Variants in MCF2 observed in about 807,000 individuals in gnomAD.
MCF2 encodes MCF.2 cell line derived transforming sequence.
Under a neutral mutation model 82.5 loss-of-function variants are expected in MCF2, and 44 were observed. The ratio of observed to expected loss-of-function variants is 0.53; its 90% confidence interval spans 0.42 to 0.69. MCF2 has a LOEUF of 0.69. Among genes scored for constraint, MCF2 ranks in the 30% least tolerant of loss-of-function variants. MCF2 has a pLI of 0.00. For missense variants in MCF2, 623 were observed against 663.1 expected, an observed-to-expected ratio of 0.94 and a Z score of 0.66; for synonymous variants, 217 against 224.9, an observed-to-expected ratio of 0.96 and a Z score of 0.32.
chrX:139,643,267 A>G (rs189178716), upstream of MCF2, among the ~76,000 whole-genome samples: 3 of 112,075 alleles, frequency 2.7e-5, no homozygotes, highest in African/African-American at 9.7e-5. Flanking sequence ...AAAGGTATTC[A>G]AATTGAATTG....
chrX:139,698,890 AC>A (rs1290260277), intron 1 of MCF2, among the ~76,000 whole-genome samples: 1 of 111,690 alleles, frequency 9.0e-6, no homozygotes, highest in Admixed American at 9.6e-5. Flanking sequence ...TAATAAGTAT[AC>A]CATCTTCATT....
intron 24 of MCF2, among the ~76,000 whole-genome samples, chrX:139,584,840 C>T (rs1928807798): frequency 9.0e-6 from 1 of 111,661 alleles, no homozygotes; most frequent in Non-Finnish European, 1.9e-5. Flanking sequence ...GATTGACTAT[C>T]TATTTCATCA....
chrX:139,686,946 C>G (rs1427622629), intron 1 of MCF2, among the ~76,000 whole-genome samples: 1 of 111,585 alleles, frequency 9.0e-6, no homozygotes, highest in East Asian at 2.8e-4. Flanking sequence ...AATGGCTCAT[C>G]ATCTGACTCA....
intron 3 of MCF2, 30 bp downstream of exon 6, chrX:139,631,365 G>A: frequency 1.2e-6 from 1 of 858,189 alleles, no homozygotes; most frequent in Non-Finnish European, 1.7e-6. Flanking sequence ...AAGAACTATA[G>A]GCTCTACAGT....
intron 1 of MCF2, among the ~76,000 whole-genome samples, chrX:139,703,523 G>A (rs1026393063): frequency 8.9e-6 from 1 of 111,914 alleles, no homozygotes; most frequent in Non-Finnish European, 1.9e-5. Context: ...GTCACCTGAG[G>A]TCAGGAGTTC....
chrX:139,667,227 C>T (rs551482799), intron 1 of MCF2, among the ~76,000 whole-genome samples: 2 of 98,860 alleles, frequency 2.0e-5, no homozygotes, highest in African/African-American at 7.4e-5. Flanking sequence ...GGTTCTTGCT[C>T]TGTTACCCAG....
chrX:139,589,750 G>A, intron 20 of MCF2, 85 bp downstream of exon 24: 6 of 670,980 alleles, frequency 8.9e-6, no homozygotes, highest in South Asian at 2.5e-5. Context: ...TTTGAAATGC[G>A]ACCAAAATTA....
intron 1 of MCF2, among the ~76,000 whole-genome samples, chrX:139,667,105 C>T (rs927890255): frequency 2.7e-5 from 3 of 110,806 alleles, no homozygotes; most frequent in Admixed American, 9.6e-5. Context: ...ACTTCTCATT[C>T]ATACCCTGAT....
At chrX:139,593,838 C>T (rs1255742113) in intron 19 of MCF2, among the ~76,000 whole-genome samples, 3 of 110,893 alleles carry the variant, frequency 2.7e-5, no homozygotes, top group Non-Finnish European at 3.8e-5. Context: ...ATTGTCTCAG[C>T]CCAAAATCTC....
intron 6 of MCF2, among the ~76,000 whole-genome samples, chrX:139,624,553 T>C (rs1320855353): frequency 9.3e-6 from 1 of 107,588 alleles, no homozygotes; most frequent in Non-Finnish European, 1.9e-5. Context: ...AAAAGGACTA[T>C]ATTCTTCAAA....
chrX:139,616,324 T>C, exon 9 of MCF2: 4 of 1,160,021 alleles, frequency 3.4e-6, no homozygotes, highest in Admixed American at 2.3e-5. Context: ...CATACTGCAG[T>C]GTTTCAGGTT....
intron 16 of MCF2, among the ~76,000 whole-genome samples, chrX:139,600,974 T>C (rs1209717221): frequency 9.0e-6 from 1 of 111,530 alleles, no homozygotes; most frequent in Non-Finnish European, 1.9e-5. Flanking sequence ...AGATACTGAA[T>C]TCATAAAATG....
chrX:139,602,709 T>C (rs1930660740), intron 15 of MCF2, among the ~76,000 whole-genome samples: 1 of 112,157 alleles, frequency 8.9e-6, no homozygotes, highest in Non-Finnish European at 1.9e-5. Context: ...CTAAGTAATA[T>C]CAGAGCTTCC....
chrX:139,701,934 C>T (rs780800768), intron 1 of MCF2, among the ~76,000 whole-genome samples: 1 of 111,882 alleles, frequency 8.9e-6, no homozygotes, highest in Non-Finnish European at 1.9e-5. Context: ...ACCTTGTACA[C>T]TTTGCTCCAA....
intron 1 of MCF2, chrX:139,702,248 G>A (rs1351491467): frequency 1.8e-5 from 2 of 111,982 alleles, no homozygotes; most frequent in East Asian, 5.5e-4. Context: ...AGAAAAAAAT[G>A]TCTACAACAG....
chrX:139,646,983 C>T, upstream of MCF2: 1 of 591,060 alleles, frequency 1.7e-6, no homozygotes, highest in Non-Finnish European at 2.6e-6. Flanking sequence ...GATTTGAATA[C>T]TGTTTTGCAG....
chrX:139,600,093 T>C (rs1465416453), intron 16 of MCF2, among the ~76,000 whole-genome samples: 1 of 111,776 alleles, frequency 8.9e-6, no homozygotes, highest in Non-Finnish European at 1.9e-5. Flanking sequence ...TGATTCCATT[T>C]ATATGAAATG....
Position 139,694,533 on chromosome X carries a change from T to C in MCF2, c.-45+13573A>G, listed in dbSNP as rs755373691. Among the ~76,000 whole-genome samples the C allele has an allele frequency of 6.3e-5, 7 of 111,243 alleles. No homozygotes were observed. The South Asian group carries it at 2.6e-3, about 42-fold the overall frequency. ...TAGATCAATAGAATAGAACTGTGAA[T>C]CCAGAGAAAACCCTTGCATCTAAGG... On this transcript the variant is annotated intron_variant, in intron 1 of 27. Coordinates refer to the MCF2 transcript ENST00000414978.
chrX:139,614,485 C>T (rs933878905), intron 10 of MCF2, among the ~76,000 whole-genome samples: 2 of 97,979 alleles, frequency 2.0e-5, no homozygotes, highest in Non-Finnish European at 4.1e-5. Context: ...CAAATCATTG[C>T]TTATCTAGAG....
Sources: allele counts gnomAD v4.1 joint callset (sites outside exome capture counted in the v4.1 genomes callset), GRCh38; gene constraint gnomAD v4.1.1; transcripts MANE v1.5; gene names NCBI Gene and HGNC (gene_info 2026-07-23, HGNC 2026-07-21).